Variants in JAKMIP1 observed in about 807,000 individuals in gnomAD.
JAKMIP1 encodes janus kinase and microtubule interacting protein 1, also known as janus kinase and microtubule-interacting protein 1.
JAKMIP1 carries 33 observed loss-of-function variants against 113.0 expected under a neutral mutation model. The ratio of observed to expected loss-of-function variants is 0.29; its 90% CI spans 0.22 to 0.39. JAKMIP1 has a LOEUF of 0.39. JAKMIP1 is among the 10% of genes least tolerant of loss of function. The pLI, the probability that JAKMIP1 is intolerant of heterozygous loss-of-function variation, is 1.00. For missense variants in JAKMIP1, 813 were observed against 1,080.5 expected (o/e 0.75, Z 3.47); for synonymous variants, 480 against 459.9 (o/e 1.04, Z -0.56).
chr4:6,152,386 G>A (rs1265729245), intron 1 of JAKMIP1, among the ~76,000 whole-genome samples: 1 of 152,008 alleles, frequency 6.6e-6, no homozygotes, highest in East Asian at 1.9e-4. Context: ...TCCTAGAACC[G>A]CCCTCACCCA....
intron 8 of JAKMIP1, among the ~76,000 whole-genome samples, chr4:6,071,738 C>T (rs910530070): frequency 6.6e-6 from 1 of 152,232 alleles, no homozygotes; most frequent in African/African-American, 2.4e-5. Context: ...AGGACCGGCA[C>T]AGACGGTGTG....
chr4:6,038,924 AG>A (rs1217161932), intron 18 of JAKMIP1, among the ~76,000 whole-genome samples: 1 of 152,228 alleles, frequency 6.6e-6, no homozygotes, highest in Non-Finnish European at 1.5e-5. Context: ...TCAGTGACAA[AG>A]GGACACAGGC....
intron 1 of JAKMIP1, among the ~76,000 whole-genome samples, chr4:6,182,722 A>G (rs1223543095): frequency 6.6e-6 from 1 of 151,752 alleles, no homozygotes; most frequent in African/African-American, 2.4e-5. Context: ...ATAAGGCCAC[A>G]TGTGTGATGA....
At position 6,093,010 on chromosome 4, in the gene JAKMIP1, G is replaced by A. The variant is rs142961040; in HGVS notation, c.625-7381C>T. 4.5e-3 allele frequency among the ~76,000 whole-genome samples: 689 copies of A among 152,324 alleles called. 4 individuals carry two copies. The highest frequency in any genetic ancestry group is 0.013 in the African/African-American group (552 of 41,578). ...ATTTTGTATTTTACTGGGAATCCAA[G>A]TATCACATATCATCATGGCTATTTT... On this transcript the variant is annotated intron_variant, in intron 3 of 20. Coordinates refer to ENST00000409021, the MANE Select transcript of JAKMIP1 (RefSeq NM_001099433.2). This position sits in a 1 kb window ranked among gnomAD's most constrained non-coding sequence, Gnocchi z 4.6.
Position 6,040,790 on chromosome 4 carries a change from T to C in JAKMIP1, c.2098-74A>G. The C allele has an allele frequency of 8.4e-7, 1 of 1,197,506 alleles. No individual in the cohort carries two copies. Among genetic ancestry groups the C allele is most frequent in the Admixed American group, 1.8e-5 (1 of 54,336 alleles). 74.2% of individuals were successfully genotyped at this position (1,197,506 alleles called of 1,614,324 possible). A position where few individuals can be genotyped will look rare whatever the true frequency, so the allele number is the denominator to read the frequency against. ...CATGACAGCTTCAGAGCCCGTTTGC[T>C]AGAGAGTGGCAGTCTCACCGAATTG... On this transcript the variant is annotated intron_variant, in intron 17 of 20. Coordinates refer to ENST00000409021, the MANE Select transcript of JAKMIP1 (RefSeq NM_001099433.2). This position sits in a 1 kb window ranked among gnomAD's most constrained non-coding sequence, Gnocchi z 5.8.
intron 3 of JAKMIP1, among the ~76,000 whole-genome samples, chr4:6,095,791 C>T (rs973949070): frequency 4.0e-5 from 6 of 150,842 alleles, no homozygotes; most frequent in Non-Finnish European, 7.4e-5. Context: ...AGGCGGGGGG[C>T]GTCTGCTATG....
intron 1 of JAKMIP1, among the ~76,000 whole-genome samples, chr4:6,125,003 T>TAAC (rs1225462406): frequency 1.3e-5 from 2 of 152,102 alleles, no homozygotes; most frequent in Non-Finnish European, 2.9e-5. Context: ...TCAGGGGCTG[T>TAAC]AGGTCACAGA....
rs1726275285 is a variant in JAKMIP1 at position 6,183,455 on chromosome 4, G to C, written c.-148+16798C>G. 3.8e-5 allele frequency among the ~76,000 whole-genome samples: 3 copies of C among 78,222 alleles called. No individual in the cohort carries two copies. 51.3% of individuals were successfully genotyped at this position (78,222 alleles called of 152,430 possible). On this transcript the variant is annotated intron_variant, in intron 1 of 20. Coordinates refer to ENST00000409021, the MANE Select transcript of JAKMIP1 (RefSeq NM_001099433.2). The surrounding 1 kb of genome is among the most constrained non-coding windows in gnomAD (Gnocchi z 5.3). ...GATCATGCCATTGCACTCCAGCCTG[G>C]GTGACAGAGCAAGACTCTGTCTCAA...
intron 16 of JAKMIP1, among the ~76,000 whole-genome samples, chr4:6,045,319 A>C (rs908390930): frequency 1.3e-5 from 2 of 151,976 alleles, no homozygotes; most frequent in Admixed American, 6.6e-5. Context: ...TAAACCCTCC[A>C]ATGTCTCATG....
Position 6,178,817 on chromosome 4 carries a change from C to G in JAKMIP1, c.-148+21436G>C, listed in dbSNP as rs1205001745. 1.3e-5 allele frequency among the ~76,000 whole-genome samples: 2 copies of G among 152,222 alleles called. No individual in the cohort carries two copies. Among genetic ancestry groups the G allele is most frequent in the Non-Finnish European group, 1.5e-5 (1 of 68,036 alleles). ...GGCTTCCACTGACCTCATCCCCACA[C>G]AAACCTCCCCCATCTCCCAACCTCA... On this transcript the variant is annotated intron_variant, in intron 1 of 20. Coordinates refer to ENST00000409021, the MANE Select transcript of JAKMIP1 (RefSeq NM_001099433.2). The surrounding 1 kb of genome is among the most constrained non-coding windows in gnomAD (Gnocchi z 5.5).
rs147238909 is a variant in JAKMIP1 at position 6,033,994 on chromosome 4, T to A, written c.2379+1910A>T. ...TCACTTTGTGGCTAGCTGACCTTCA[T>A]CCAGCTGTTTTGTCTCTGTGCCTTC... On this transcript the variant is annotated intron_variant, in intron 19 of 20. Transcript: ENST00000409021. 1.6e-3 allele frequency among the ~76,000 whole-genome samples: 240 copies of A among 152,180 alleles called. 11 individuals are homozygous for A. In the East Asian group the frequency reaches 0.041, roughly 26 times the overall value.
intron 1 of JAKMIP1, among the ~76,000 whole-genome samples, chr4:6,191,227 C>T (rs1727222354): frequency 1.3e-5 from 2 of 152,208 alleles, no homozygotes; most frequent in Non-Finnish European, 2.9e-5. Context: ...GTGTGTCAGG[C>T]TCCAGACTCC....
chr4:6,116,040 T>C lies in JAKMIP1; in HGVS notation c.-147-3043A>G. Among the ~76,000 whole-genome samples the C allele has an allele frequency of 6.6e-6, 1 of 152,132 alleles. No individual in the cohort carries two copies. Among genetic ancestry groups the C allele is most frequent in the African/African-American group, 2.4e-5 (1 of 41,440 alleles). ...CATGGGCTGATACCAAGCCTGGTAC[T>C]CTCAACACCCCATGCCAGACACTGC... On this transcript the variant is annotated intron_variant, in intron 1 of 20. Coordinates refer to ENST00000409021, the MANE Select transcript of JAKMIP1 (RefSeq NM_001099433.2). The surrounding 1 kb of genome is among the most constrained non-coding windows in gnomAD (Gnocchi z 5.1).
chr4:6,045,059 T>G (rs925968009), intron 16 of JAKMIP1, among the ~76,000 whole-genome samples: 5 of 152,210 alleles, frequency 3.3e-5, no homozygotes, highest in African/African-American at 9.6e-5. Context: ...GCCCCTCAGG[T>G]GCAGAGCCTG....
chr4:6,079,342 A>G (rs1029136229), intron 7 of JAKMIP1, among the ~76,000 whole-genome samples: 1 of 152,036 alleles, frequency 6.6e-6, no homozygotes, highest in South Asian at 2.1e-4. Flanking sequence ...ATGGGTGGAC[A>G]GATGGGTGGG....
Position 6,184,679 on chromosome 4 carries a change from A to G in JAKMIP1, c.-148+15574T>C, listed in dbSNP as rs1364914548. 6.6e-6 allele frequency among the ~76,000 whole-genome samples: 1 copy of G among 152,198 alleles called. No individual in the cohort carries two copies. The highest frequency in any genetic ancestry group is 6.5e-5 in the Admixed American group (1 of 15,288). On this transcript the variant is annotated intron_variant, in intron 1 of 20. Coordinates refer to ENST00000409021, the MANE Select transcript of JAKMIP1 (RefSeq NM_001099433.2). This position sits in a 1 kb window ranked among gnomAD's most constrained non-coding sequence, Gnocchi z 4.5. ...TGTGCCTATCGAAGGGAAGCAACCA[A>G]TTGTCAACTATTTTAGAAACAGCCA... is the stretch of plus-strand genomic sequence containing the variant.
Position 6,106,035 on chromosome 4 carries a change from A to G in JAKMIP1, c.130-68T>C. 1 of 1,059,862 alleles carries G rather than the reference A, an allele frequency of 9.4e-7. No individual in the cohort carries two copies. The highest frequency in any genetic ancestry group is 1.6e-5 in the South Asian group (1 of 64,038). The allele number at this position is 1,059,862 out of a possible 1,614,324, so 65.7% of individuals were successfully genotyped here. A position where few individuals can be genotyped will look rare whatever the true frequency, so the allele number is the denominator to read the frequency against. ...GGGTCAGGGTCAGGGTCAGGGTCAC[A>G]GCTGGGGGAGCTGGCCACAGCCTCC... On this transcript the variant is annotated intron_variant, in intron 2 of 20. Coordinates refer to ENST00000409021, the MANE Select transcript of JAKMIP1 (RefSeq NM_001099433.2). The surrounding 1 kb of genome is among the most constrained non-coding windows in gnomAD (Gnocchi z 5.9).
Position 6,178,099 on chromosome 4 carries a change from C to A in JAKMIP1, c.-148+22154G>T, listed in dbSNP as rs980005885. Among the ~76,000 whole-genome samples the A allele has an allele frequency of 7.9e-5, 12 of 152,196 alleles. No homozygotes were observed. The highest frequency in any genetic ancestry group is 2.9e-4 in the African/African-American group (12 of 41,432). ...ACGCCCACTTCATGCTTCCTGTCCC[C>A]GACCCTCCTCCCTGGAGGGGAGGGA... On this transcript the variant is annotated intron_variant, in intron 1 of 20. Transcript: ENST00000409021. The surrounding 1 kb of genome is among the most constrained non-coding windows in gnomAD (Gnocchi z 5.5).
At chr4:6,145,494 A>G (rs953064992) in intron 1 of JAKMIP1, among the ~76,000 whole-genome samples, 1 of 520 alleles carries the variant, frequency 1.9e-3, no homozygotes, top group Non-Finnish European at 0.026. Flanking sequence ...TCCATACCTA[A>G]AAAAAAAAAT....
Sources: gnomAD v4.1 joint callset for allele counts (sites outside exome capture counted in the v4.1 genomes callset) on GRCh38, gnomAD v4.1.1 for gene constraint, Gnocchi (gnomAD v3.1) non-coding constraint, MANE v1.5 for transcripts, NCBI Gene and HGNC (gene_info 2026-07-23, HGNC 2026-07-21) for gene names.